Variants in DNAI4 observed in about 807,000 individuals in gnomAD.
DNAI4 encodes the protein dynein axonemal intermediate chain 4, also known as WD repeat domain 78.
In DNAI4, 85 loss-of-function variants were observed where a neutral mutation model predicts 105.8. The ratio of observed to expected loss-of-function variants is 0.80; its 90% CI spans 0.67 to 0.96. The LOEUF is 0.96. Ranked by LOEUF, DNAI4 falls within the 40% of genes least tolerant of loss-of-function variation. The pLI, the probability that DNAI4 is intolerant of heterozygous loss-of-function variation, is 0.00. For synonymous variants in DNAI4, 352 were observed against 331.5 expected (o/e 1.06, Z -0.67); for missense variants, 1,014 against 1,005.6 (o/e 1.01, Z -0.11).
At chr1:66,869,360 T>C (rs1432919895) in intron 6 of DNAI4, among the ~76,000 whole-genome samples, 1 of 151,972 alleles carries the variant, frequency 6.6e-6, no homozygotes, top group Non-Finnish European at 1.5e-5. Context: ...ATTCTTTTTT[T>C]ATTTTCAAAT....
chr1:66,872,205 T>TTTTATTTATTTATTA (rs975932263), intron 5 of DNAI4, among the ~76,000 whole-genome samples: 2 of 127,712 alleles, frequency 1.6e-5, no homozygotes, highest in African/African-American at 3.5e-5. Context: ...TTTCAGGTTA[T>TTTTATTTATTTATTA]TTTATTTATT....
intron 16 of DNAI4, among the ~76,000 whole-genome samples, chr1:66,818,521 C>T (rs909395200): frequency 4.5e-4 from 68 of 152,166 alleles, no homozygotes; most frequent in African/African-American, 1.6e-3. Flanking sequence ...ATGAACTGTT[C>T]GTTTTTTGTA....
chr1:66,854,105 A>G (rs1028207167), intron 7 of DNAI4, among the ~76,000 whole-genome samples: 1 of 152,204 alleles, frequency 6.6e-6, no homozygotes, highest in Non-Finnish European at 1.5e-5. Flanking sequence ...TAAAAACACA[A>G]TACTGTCTGG....
At chr1:66,818,872 C>T (rs767226097) in intron 16 of DNAI4, among the ~76,000 whole-genome samples, 2 of 152,072 alleles carry the variant, frequency 1.3e-5, no homozygotes, top group Non-Finnish European at 2.9e-5. Flanking sequence ...AAGATCGTGC[C>T]ACTGCATTCC....
chr1:66,892,047 C>T (rs1647700124), intron 3 of DNAI4, among the ~76,000 whole-genome samples: 1 of 152,080 alleles, frequency 6.6e-6, no homozygotes, highest in Non-Finnish European at 1.5e-5. Flanking sequence ...TTTATAAAGG[C>T]CTTCTCAAGG....
At chr1:66,834,874 T>A (rs1447955727) in intron 11 of DNAI4, among the ~76,000 whole-genome samples, 1 of 152,180 alleles carries the variant, frequency 6.6e-6, no homozygotes, top group Admixed American at 6.5e-5. Context: ...CAAAGGCCTA[T>A]GCTTACAAAA....
intron 3 of DNAI4, among the ~76,000 whole-genome samples, chr1:66,893,018 GAA>G (rs1292540829): frequency 4.8e-5 from 6 of 125,246 alleles, no homozygotes; most frequent in Non-Finnish European, 1.0e-4. Context: ...AGAGAGGAAA[GAA>G]AGAAAGAAAG....
At chr1:66,873,766 A>G (rs1218390637) in intron 5 of DNAI4, among the ~76,000 whole-genome samples, 2 of 151,760 alleles carry the variant, frequency 1.3e-5, no homozygotes, top group African/African-American at 4.8e-5. Flanking sequence ...CTCCAGATCC[A>G]TATGTTAATA....
chr1:66,848,090 T>C (rs1339890661), intron 7 of DNAI4: 3 of 398,200 alleles, frequency 7.5e-6, no homozygotes, highest in Non-Finnish European at 9.7e-6. Flanking sequence ...CAAATTTATC[T>C]TACAGTTCAG....
Position 66,826,913 on chromosome 1 carries a change from A to T in DNAI4, c.2246T>A (p.Val749Asp). The change falls in exon 15 of 17, where the codon GTT becomes GAT. Residue 749 changes from valine to aspartate, a missense_variant. Coordinates refer to ENST00000371026, the MANE Select transcript of DNAI4 (RefSeq NM_024763.5). ...PSLSFYPATS[V>D]VYDVAWSPKS... ...TGGAGACCAGGCAACGTCGTAAACAACAGAAGTAGCTGGATAAAAACTCAA... is the reference window on the plus strand; with the variant it reads ...TGGAGACCAGGCAACGTCGTAAACATCAGAAGTAGCTGGATAAAAACTCAA... 1 of 1,614,198 alleles carries T rather than the reference A, an allele frequency of 6.2e-7. No homozygotes were observed. Among genetic ancestry groups the T allele is most frequent in the Non-Finnish European group, 8.5e-7 (1 of 1,180,026 alleles).
chr1:66,910,597 A>G lies in DNAI4; in HGVS notation c.171-5222T>C, dbSNP rs111600567. 5.9e-3 allele frequency among the ~76,000 whole-genome samples: 899 copies of G among 152,130 alleles called. 3 individuals carry two copies. Among genetic ancestry groups the G allele is most frequent in the Middle Eastern group, 0.014 (4 of 294 alleles). On this transcript the variant is annotated intron_variant, in intron 1 of 16. Coordinates refer to ENST00000371026, the MANE Select transcript of DNAI4 (RefSeq NM_024763.5). The stretch of plus-strand genomic sequence containing the variant: ...TCACTCCATGGCCAAATGCCAGAAC[A>G]ACAGGCGCAGCCCCTGTGCCTCAGG...
At chr1:66,906,884 C>T (rs1019771827) in intron 1 of DNAI4, 7 of 151,926 alleles carry the variant, frequency 4.6e-5, no homozygotes, top group Non-Finnish European at 1.0e-4. Flanking sequence ...TTTTTCCTTT[C>T]TCAGTAAAAG....
At chr1:66,922,613 T>C (rs6588226) in intron 1 of DNAI4, among the ~76,000 whole-genome samples, 17,427 of 152,178 alleles carry the variant, frequency 0.11, 2,423 homozygotes, top group African/African-American at 0.34. Flanking sequence ...GGTATCACAA[T>C]GTAACACAGT....
At chr1:66,849,457 T>G (rs1271152889) in intron 7 of DNAI4, among the ~76,000 whole-genome samples, 1 of 152,168 alleles carries the variant, frequency 6.6e-6, no homozygotes, top group Non-Finnish European at 1.5e-5. Flanking sequence ...AATGGAAGTT[T>G]AGAAAAGATC....
chr1:66,880,538 C>T (rs923962021), intron 4 of DNAI4, among the ~76,000 whole-genome samples: 1 of 152,102 alleles, frequency 6.6e-6, no homozygotes, highest in Non-Finnish European at 1.5e-5. Flanking sequence ...TTGCCTCTGC[C>T]TTAGAGATTC....
At chr1:66,829,536 G>A (rs1335199984) in intron 13 of DNAI4, among the ~76,000 whole-genome samples, 1 of 152,124 alleles carries the variant, frequency 6.6e-6, no homozygotes, top group Non-Finnish European at 1.5e-5. Context: ...CTAAATATAT[G>A]TATGTACCTA....
chr1:66,860,182 AT>A (rs1483443189), intron 7 of DNAI4, among the ~76,000 whole-genome samples: 4 of 152,104 alleles, frequency 2.6e-5, no homozygotes, highest in African/African-American at 9.7e-5. Flanking sequence ...CTACAGCACT[AT>A]TTCAGAATAA....
At chr1:66,872,370 T>G (rs2100663538) in intron 5 of DNAI4, among the ~76,000 whole-genome samples, 1 of 152,016 alleles carries the variant, frequency 6.6e-6, no homozygotes, top group East Asian at 1.9e-4. Flanking sequence ...CTGGTACTAC[T>G]GGCATAAGCC....
chr1:66,904,697 ATTTT>A, intron 2 of DNAI4, among the ~76,000 whole-genome samples: 1 of 152,130 alleles, frequency 6.6e-6, no homozygotes, highest in South Asian at 2.1e-4. Context: ...CAATTTATGA[ATTTT>A]ATCTTTTATG....
Sources: gnomAD v4.1 joint callset for allele counts (sites outside exome capture counted in the v4.1 genomes callset) on GRCh38, gnomAD v4.1.1 for gene constraint, MANE v1.5 for transcripts, NCBI Gene and HGNC (gene_info 2026-07-23, HGNC 2026-07-21) for gene names.